The following KCNAB1 variants were observed in gnomAD, a reference collection of about 807,000 sequenced individuals.
The protein encoded by KCNAB1 is voltage-gated potassium channel subunit beta-1.
Under a neutral mutation model 64.6 loss-of-function variants are expected in KCNAB1, and 35 were observed. The observed-to-expected ratio is 0.54, with a 90% CI of 0.41 to 0.72. The LOEUF (loss-of-function observed/expected upper bound fraction) is 0.72. KCNAB1 is among the 30% of genes least tolerant of loss of function. The pLI is 0.00. For synonymous variants in KCNAB1, 177 were observed against 183.8 expected, an observed-to-expected ratio of 0.96 and a Z score of 0.30; for missense variants, 401 against 512.9, an observed-to-expected ratio of 0.78 and a Z score of 2.11.
At chr3:156,514,266 T>C (rs569303806) in intron 8 of KCNAB1, 98 bp from the exon 9 acceptor site, 2 of 828,470 alleles carry the variant, frequency 2.4e-6, no homozygotes, top group African/African-American at 3.4e-5. Context: ...AAACAAACAA[T>C]TGCATTAAGC....
At position 156,523,565 on chromosome 3, in the gene KCNAB1, G is replaced by A. The variant is rs549425407; in HGVS notation, c.961-262G>A. ...TAGGATTTAAGTGCTTGTATGTCACGGTCAGGGTTATAACAACTTCTGTGC... is the reference window on the plus strand; with the variant it reads ...TAGGATTTAAGTGCTTGTATGTCACAGTCAGGGTTATAACAACTTCTGTGC... On this transcript the variant is annotated intron_variant, in intron 11 of 13. Transcript: ENST00000490337. Among the ~76,000 whole-genome samples, 12 of 152,138 alleles carry A rather than the reference G, an allele frequency of 7.9e-5. No individual in the cohort carries two copies. The East Asian group carries it at 1.4e-3, about 17-fold the overall frequency.
In KCNAB1 at chr3:156,349,257, T is replaced by G. The variant is rs923393258; in HGVS notation, c.276-72359T>G. Among the ~76,000 whole-genome samples, 92 of 152,306 alleles carry G rather than the reference T, an allele frequency of 6.0e-4. 1 individual carries two copies. The highest frequency in any genetic ancestry group is 2.1e-3 in the African/African-American group (88 of 41,564). Reference sequence around the variant, plus strand: ...AAAAAGTAGAGAAATCTGGAGACAGTGCATTCACATCATGTTCCCACCACT... The same window carrying G: ...AAAAAGTAGAGAAATCTGGAGACAGGGCATTCACATCATGTTCCCACCACT... On this transcript the variant is annotated intron_variant, in intron 1 of 13. Coordinates refer to ENST00000490337, the MANE Select transcript of KCNAB1 (RefSeq NM_172160.3).
At chr3:156,154,315 TC>T (rs1715590593) in intron 1 of KCNAB1, among the ~76,000 whole-genome samples, 1 of 152,184 alleles carries the variant, frequency 6.6e-6, no homozygotes, top group Non-Finnish European at 1.5e-5. Flanking sequence ...AGCTCTTCTT[TC>T]CCTTTCTACC....
intron 1 of KCNAB1, among the ~76,000 whole-genome samples, chr3:156,309,445 T>C (rs1721738094): frequency 6.6e-6 from 1 of 152,270 alleles, no homozygotes; most frequent in Non-Finnish European, 1.5e-5. Context: ...ATGCTGTTCA[T>C]GTTCCATTCA....
chr3:156,495,972 A>C (rs956333516), intron 8 of KCNAB1, among the ~76,000 whole-genome samples: 1 of 152,114 alleles, frequency 6.6e-6, no homozygotes, highest in Non-Finnish European at 1.5e-5. Flanking sequence ...GTCCCTGAGA[A>C]GGACAATACA....
intron 1 of KCNAB1, among the ~76,000 whole-genome samples, chr3:156,284,996 A>T (rs1175191359): frequency 2.0e-5 from 3 of 152,166 alleles, no homozygotes; most frequent in African/African-American, 7.2e-5. Context: ...CCCCCGGGGA[A>T]TACTTTAACC....
chr3:156,270,212 G>A (rs540039019), intron 1 of KCNAB1, among the ~76,000 whole-genome samples: 6 of 152,156 alleles, frequency 3.9e-5, no homozygotes, highest in East Asian at 1.9e-4. Context: ...CACTGCGCCC[G>A]GCCATATCTT....
intron 1 of KCNAB1, among the ~76,000 whole-genome samples, chr3:156,342,585 C>CTTTTTTTTTTTTTTTTTTTTTTT (rs60982892): frequency 1.0e-4 from 9 of 86,270 alleles, no homozygotes; most frequent in Non-Finnish European, 1.8e-4. Context: ...CTATGTGTTT[C>CTTTTTTTTTTTTTTTTTTTTTTT]TTTTTTTTTT....
intron 1 of KCNAB1, among the ~76,000 whole-genome samples, chr3:156,256,595 C>T (rs548010341): frequency 3.9e-5 from 6 of 152,344 alleles, no homozygotes; most frequent in Admixed American, 6.5e-5. Context: ...CTAAAAGCAG[C>T]GTTGAATCAG....
chr3:156,175,154 A>G (rs1251986404), intron 1 of KCNAB1, among the ~76,000 whole-genome samples: 1 of 152,006 alleles, frequency 6.6e-6, no homozygotes, highest in Non-Finnish European at 1.5e-5. Flanking sequence ...TTTGCTTTTT[A>G]TTTTTTAAGG....
chr3:156,476,023 A>G (rs1714312558), intron 8 of KCNAB1, among the ~76,000 whole-genome samples: 1 of 152,212 alleles, frequency 6.6e-6, no homozygotes, highest in African/African-American at 2.4e-5. Flanking sequence ...GAAATGACAT[A>G]AAACTGCATA....
At chr3:156,372,526 C>T (rs1726378575) in intron 1 of KCNAB1, among the ~76,000 whole-genome samples, 1 of 152,204 alleles carries the variant, frequency 6.6e-6, no homozygotes, top group African/African-American at 2.4e-5. Flanking sequence ...TTCTAGCAAG[C>T]TCCCAGGTAA....
At chr3:156,235,792 T>A (rs1716815641) in intron 1 of KCNAB1, among the ~76,000 whole-genome samples, 1 of 152,200 alleles carries the variant, frequency 6.6e-6, no homozygotes, top group Non-Finnish European at 1.5e-5. Flanking sequence ...ATCCTTGAAT[T>A]CTCTGCAAGA....
rs758672190 is a variant in KCNAB1 at position 156,452,950 on chromosome 3, G to C, written c.357+14G>C. 3.8e-6 allele frequency: 6 copies of C among 1,594,250 alleles called. No individual in the cohort carries two copies. The highest frequency in any genetic ancestry group is 5.1e-6 in the Non-Finnish European group (6 of 1,165,094). Reference sequence around the variant, plus strand: ...ATTTCAGATGAGGTAAGTTACCTTTGGCCTCTATTATGCTAATGAAAGAAA... The same window carrying C: ...ATTTCAGATGAGGTAAGTTACCTTTCGCCTCTATTATGCTAATGAAAGAAA... On this transcript the variant is annotated intron_variant, in intron 3 of 13. Coordinates refer to ENST00000490337, the MANE Select transcript of KCNAB1 (RefSeq NM_172160.3). The surrounding 1 kb of genome is among the most constrained non-coding windows in gnomAD (Gnocchi z 4.6).
intron 2 of KCNAB1, among the ~76,000 whole-genome samples, chr3:156,444,196 G>A (rs1332077555): frequency 6.6e-6 from 1 of 152,212 alleles, no homozygotes; most frequent in Non-Finnish European, 1.5e-5. Context: ...ACACGTCCAA[G>A]CACCCAGACA....
At chr3:156,237,950 G>A (rs1576633827) in intron 1 of KCNAB1, among the ~76,000 whole-genome samples, 1 of 152,050 alleles carries the variant, frequency 6.6e-6, no homozygotes, top group African/African-American at 2.4e-5. Flanking sequence ...TCCTAGAACA[G>A]TGCTAGCCCA....
intron 1 of KCNAB1, chr3:156,291,667 C>T: frequency 7.2e-7 from 1 of 1,392,708 alleles, no homozygotes; most frequent in East Asian, 2.7e-5. Context: ...GCTGTGACAA[C>T]TTCGGGGCCG....
At chr3:156,257,039 A>G (rs1179514403) in intron 1 of KCNAB1, among the ~76,000 whole-genome samples, 1 of 152,216 alleles carries the variant, frequency 6.6e-6, no homozygotes, top group African/African-American at 2.4e-5. Flanking sequence ...ACTAGGCCTC[A>G]GCTATCTCAT....
intron 1 of KCNAB1, 147 bp from the exon 2 acceptor site, chr3:156,421,469 G>T: frequency 1.4e-6 from 1 of 726,674 alleles, no homozygotes. Context: ...AGGGAGACCT[G>T]TCTCAAGACA....
Sources: allele counts gnomAD v4.1 joint callset (sites outside exome capture counted in the v4.1 genomes callset), GRCh38; gene constraint gnomAD v4.1.1; non-coding constraint Gnocchi (gnomAD v3.1); transcripts MANE v1.5; gene names NCBI Gene and HGNC (gene_info 2026-07-23, HGNC 2026-07-21).